Variants in NRAP observed in about 807,000 individuals in gnomAD.
NRAP encodes the protein nebulin-related-anchoring protein.
Under a neutral mutation model 225.9 loss-of-function variants are expected in NRAP, and 189 were observed. The observed-to-expected ratio is 0.84, with a 90% CI of 0.74 to 0.94. The LOEUF (loss-of-function observed/expected upper bound fraction) is 0.94, where lower values mean the gene tolerates loss of function less well. Ranked by LOEUF, NRAP falls within the 40% of genes least tolerant of loss-of-function variation. NRAP has a pLI of 0.00. For synonymous variants in NRAP, 769 were observed against 790.7 expected (o/e 0.97, Z 0.46); for missense variants, 2,176 against 2,168.7 (o/e 1.00, Z -0.07).
At chr10:113,624,699 T>TA (rs946962803) in intron 22 of NRAP, 127 bp downstream of exon 22, 1 of 688,678 alleles carries the variant, frequency 1.5e-6, no homozygotes, top group Non-Finnish European at 2.6e-6. Flanking sequence ...GAGCTGTTTT[T>TA]ACAACAACCA....
chr10:113,631,439 G>T (rs900144874), intron 18 of NRAP, 70 bp downstream of exon 18: 2 of 872,008 alleles, frequency 2.3e-6, no homozygotes, highest in Admixed American at 2.4e-5. Context: ...CCCAGGTGAA[G>T]TAGGCCCAGG....
intron 4 of NRAP, among the ~76,000 whole-genome samples, chr10:113,655,154 C>T (rs1850229528): frequency 6.6e-6 from 1 of 152,222 alleles, no homozygotes; most frequent in Non-Finnish European, 1.5e-5. Context: ...ATTGTCCAAA[C>T]ACTTATCTGA....
rs779291860 is a variant in NRAP at position 113,657,588 on chromosome 10, ATGT to A, written c.256-17_256-15del. The A allele has an allele frequency of 7.5e-7, 1 of 1,339,768 alleles. No individual in the cohort carries two copies. Among genetic ancestry groups the A allele is most frequent in the South Asian group, 1.2e-5 (1 of 84,342 alleles). 83.0% of individuals were successfully genotyped at this position (1,339,768 alleles called of 1,614,324 possible). A position where few individuals can be genotyped will look rare whatever the true frequency, so the allele number is the denominator to read the frequency against. On this transcript the variant is annotated splice_polypyrimidine_tract_variant and intron_variant, in intron 3 of 41. Coordinates refer to ENST00000359988, the MANE Select transcript of NRAP (RefSeq NM_198060.4). Reference sequence around the variant, plus strand: ...TTGGTCATGGATCTGCTCAAGGAAGATGTTGTCAGTAATGTTTCCATCAGAAAA... The same window carrying A: ...TTGGTCATGGATCTGCTCAAGGAAGATGTCAGTAATGTTTCCATCAGAAAA...
chr10:113,651,971 T>C (rs1850003580), intron 6 of NRAP, 64 bp from the exon 7 acceptor site: 2 of 998,804 alleles, frequency 2.0e-6, no homozygotes, highest in South Asian at 1.3e-5. Context: ...GACCTCTCCC[T>C]GTGGCTCTCC....
chr10:113,624,966 C>T (rs1287544922), intron 21 of NRAP, 36 bp from the exon 22 acceptor site: 1 of 1,409,570 alleles, frequency 7.1e-7, no homozygotes, highest in Non-Finnish European at 1.0e-6. Flanking sequence ...GAGCAGGTGG[C>T]AAGGGCGAGG....
intron 3 of NRAP, among the ~76,000 whole-genome samples, chr10:113,661,746 A>T (rs1449909485): frequency 6.6e-6 from 1 of 152,190 alleles, no homozygotes; most frequent in Non-Finnish European, 1.5e-5. Flanking sequence ...TCTCAACCCC[A>T]CACGTCCTAA....
chr10:113,629,458 G>T, intron 19 of NRAP, 130 bp downstream of exon 19: 1 of 677,282 alleles, frequency 1.5e-6, no homozygotes, highest in Non-Finnish European at 2.5e-6. Context: ...CTGGCCCCCT[G>T]GTACATTTCC....
At chr10:113,649,991 G>A (rs1398417614) in intron 9 of NRAP, 46 bp downstream of exon 9, 5 of 1,110,680 alleles carry the variant, frequency 4.5e-6, no homozygotes, top group South Asian at 1.2e-5. Flanking sequence ...CCTAGAATGG[G>A]CCAAACATGG....
chr10:113,648,467 CTATATA>C (rs1554867329), intron 9 of NRAP, among the ~76,000 whole-genome samples: 63 of 87,388 alleles, frequency 7.2e-4, no homozygotes, highest in African/African-American at 2.5e-3. Flanking sequence ...CTCTCTCTCT[CTATATA>C]TATATATATA....
At chr10:113,611,540 G>A (rs188914250) in intron 30 of NRAP, among the ~76,000 whole-genome samples, 1 of 152,200 alleles carries the variant, frequency 6.6e-6, no homozygotes, top group Non-Finnish European at 1.5e-5. Flanking sequence ...AATGCTTCCT[G>A]ACCCTCCTGG....
At position 113,622,299 on chromosome 10, in the gene NRAP, A is replaced by T. The variant is rs919584209; in HGVS notation, c.2458-119T>A. Reference sequence around the variant, plus strand: ...TGGACAGAATCCTATTAGAATTAGAATCATATGAAAGTTTGCCTTTTTGAG... The same window carrying T: ...TGGACAGAATCCTATTAGAATTAGATTCATATGAAAGTTTGCCTTTTTGAG... On this transcript the variant is annotated intron_variant, in intron 23 of 41. Transcript: ENST00000359988. 8.8e-6 allele frequency: 6 copies of T among 684,784 alleles called. No homozygotes were observed. The African/African-American group carries it at 9.0e-5, about 10-fold the overall frequency. 42.4% of individuals were successfully genotyped at this position (684,784 alleles called of 1,614,324 possible).
At position 113,658,800 on chromosome 10, in the gene NRAP, T is replaced by C. The variant is rs1322852389; in HGVS notation, c.256-1226A>G. On this transcript the variant is annotated intron_variant, in intron 3 of 41. Transcript: ENST00000359988. Reference sequence around the variant, plus strand: ...AGGAGGCTGAGATATGAGAATCACTTGAACCCAGGAGGCGGAGGTTGCAGT... The same window carrying C: ...AGGAGGCTGAGATATGAGAATCACTCGAACCCAGGAGGCGGAGGTTGCAGT... Among the ~76,000 whole-genome samples the C allele has an allele frequency of 5.3e-5, 8 of 150,078 alleles. No individual in the cohort carries two copies. The East Asian group carries it at 1.6e-3, about 30-fold the overall frequency.
At position 113,622,192 on chromosome 10, in the gene NRAP, G is replaced by T. The variant is rs778180159; in HGVS notation, c.2458-12C>A. Reference sequence around the variant, plus strand: ...TCCTTGTACTTCACCTAAATAAGAGGAATAGAGCAGGGATACATTAGAACC... The same window carrying T: ...TCCTTGTACTTCACCTAAATAAGAGTAATAGAGCAGGGATACATTAGAACC... On this transcript the variant is annotated splice_polypyrimidine_tract_variant and intron_variant, in intron 23 of 41. Transcript: ENST00000359988. The T allele has an allele frequency of 1.3e-6, 2 of 1,587,144 alleles. No homozygotes were observed. Among genetic ancestry groups the T allele is most frequent in the Admixed American group, 1.7e-5 (1 of 59,806 alleles).
At chr10:113,657,678 T>A in intron 3 of NRAP, 104 bp from the exon 4 acceptor site, 1 of 718,770 alleles carries the variant, frequency 1.4e-6, no homozygotes, top group Non-Finnish European at 2.5e-6. Flanking sequence ...AAGTCTCAAC[T>A]GCAAAGCATC....
At chr10:113,644,147 C>CAAAAAAAAAAAAAAAAAAAAAAAAAAAA (rs60015356) in intron 11 of NRAP, among the ~76,000 whole-genome samples, 1 of 47,974 alleles carries the variant, frequency 2.1e-5, no homozygotes, top group African/African-American at 7.6e-5. Flanking sequence ...AACTCCCTCT[C>CAAAAAAAAAAAAAAAAAAAAAAAAAAAA]AAAAAAAAAA....
Position 113,593,718 on chromosome 10 carries a change from C to G in NRAP, c.4537-1417G>C, listed in dbSNP as rs540405614. Among the ~76,000 whole-genome samples, 4 of 152,316 alleles carry G rather than the reference C, an allele frequency of 2.6e-5. No individual in the cohort carries two copies. In the South Asian group the frequency reaches 8.3e-4, roughly 32 times the overall value. On this transcript the variant is annotated intron_variant, in intron 38 of 41. Transcript: ENST00000359988. The stretch of plus-strand genomic sequence containing the variant: ...AGCATTCTGCTTTCTGTTTGGGTGG[C>G]CCCACAAAGGTTAGAGTAGCAAATA...
chr10:113,614,102 G>A (rs938946472), intron 29 of NRAP, 81 bp downstream of exon 29: 1 of 888,832 alleles, frequency 1.1e-6, no homozygotes, highest in African/African-American at 1.6e-5. Flanking sequence ...TGTCCAGAAG[G>A]ACAAATGAGG....
At chr10:113,616,600 T>A (rs1357528880) in intron 26 of NRAP, among the ~76,000 whole-genome samples, 2 of 152,220 alleles carry the variant, frequency 1.3e-5, no homozygotes, top group African/African-American at 4.8e-5. Flanking sequence ...TTGTAAATCA[T>A]CCCATCCCAG....
chr10:113,663,446 T>C lies in NRAP; in HGVS notation c.73A>G (p.Ile25Val), dbSNP rs752857216. ...PAEKISCIDQ[I>V]WHKACFHCEV... ...CAGTGAAAACAGGCTTTATGCCATATCTAGAAATCATATAGAGAAGATTTA... is the reference window on the plus strand; with the variant it reads ...CAGTGAAAACAGGCTTTATGCCATACCTAGAAATCATATAGAGAAGATTTA... The change falls in exon 2 of 42, where the codon ATA (isoleucine) becomes GTA (valine). Residue 25 changes from isoleucine (I) to valine (V), a missense_variant and splice_region_variant. Transcript: ENST00000359988. The C allele has an allele frequency of 1.9e-6, 3 of 1,580,310 alleles. No individual in the cohort carries two copies. In the Admixed American group the frequency reaches 5.0e-5, roughly 26 times the overall value.
Sources: gnomAD v4.1 joint callset for allele counts (sites outside exome capture counted in the v4.1 genomes callset) on GRCh38, gnomAD v4.1.1 for gene constraint, MANE v1.5 for transcripts, NCBI Gene and HGNC (gene_info 2026-07-23, HGNC 2026-07-21) for gene names.